BTBD7: variants seen among roughly 807,000 people sequenced by gnomAD.
BTBD7 encodes BTB domain containing 7.
A neutral mutation model predicts 99.9 loss-of-function variants in BTBD7; 38 were observed. That is an observed-to-expected ratio of 0.38 (90% CI 0.29 to 0.50). The LOEUF (loss-of-function observed/expected upper bound fraction) is 0.50, where lower values mean the gene tolerates loss of function less well. BTBD7 is among the 20% of genes least tolerant of loss of function. BTBD7 has a pLI of 0.93. For synonymous variants in BTBD7, 520 were observed against 511.4 expected, an observed-to-expected ratio of 1.02 and a Z score of -0.23; for missense variants, 1,170 against 1,394.6, an observed-to-expected ratio of 0.84 and a Z score of 2.57.
At chr14:93,289,351 A>T (rs1481447413) in intron 3 of BTBD7, among the ~76,000 whole-genome samples, 1 of 152,222 alleles carries the variant, frequency 6.6e-6, no homozygotes, top group East Asian at 1.9e-4. Context: ...CAGTATTCAG[A>T]CTTAAAATCA....
At chr14:93,257,584 C>CT (rs1199798189) in intron 5 of BTBD7, among the ~76,000 whole-genome samples, 2 of 152,190 alleles carry the variant, frequency 1.3e-5, no homozygotes, top group African/African-American at 4.8e-5. Context: ...TATCACTGCT[C>CT]TGCAATAAAG....
At position 93,243,451 on chromosome 14, in the gene BTBD7, C is replaced by G. The variant is rs570421004; in HGVS notation, c.2584-363G>C. Among the ~76,000 whole-genome samples the G allele has an allele frequency of 2.0e-5, 3 of 152,246 alleles. No individual in the cohort carries two copies. The South Asian group carries it at 6.2e-4, about 32-fold the overall frequency. On this transcript the variant is annotated intron_variant, in intron 10 of 10. Transcript: ENST00000334746. ...CTCGTGATCCGCTCACCTCGGCCTC[C>G]TAAAGTGCTGGGATTACAGGCGTGA...
chr14:93,329,845 T>G (rs932301072), intron 1 of BTBD7, among the ~76,000 whole-genome samples: 1 of 152,096 alleles, frequency 6.6e-6, no homozygotes, highest in African/African-American at 2.4e-5. Flanking sequence ...CTAAGAAAAC[T>G]CCAAATGAAA....
chr14:93,268,128 C>T (rs2139714519), intron 3 of BTBD7, among the ~76,000 whole-genome samples: 1 of 152,314 alleles, frequency 6.6e-6, no homozygotes, highest in African/African-American at 2.4e-5. Flanking sequence ...CAATCGCTTG[C>T]ACCTCCAGGC....
chr14:93,308,779 T>C (rs2139799657), intron 1 of BTBD7, among the ~76,000 whole-genome samples: 1 of 152,322 alleles, frequency 6.6e-6, no homozygotes, highest in Middle Eastern at 3.4e-3. Flanking sequence ...TCCACTTATA[T>C]GAAGTACTTA....
At chr14:93,277,681 G>T (rs1406807203) in intron 3 of BTBD7, among the ~76,000 whole-genome samples, 1 of 152,106 alleles carries the variant, frequency 6.6e-6, no homozygotes, top group Non-Finnish European at 1.5e-5. Flanking sequence ...CTTACCTTAT[G>T]GTAAATGTTA....
At position 93,296,047 on chromosome 14, in the gene BTBD7, C is replaced by A; in HGVS notation, c.5G>T (p.Gly2Val). The change falls in exon 2 of 11, where the codon GGT becomes GTT. Residue 2 changes from glycine (G) to valine (V), a missense_variant. Coordinates refer to ENST00000334746, the MANE Select transcript of BTBD7 (RefSeq NM_001002860.4). ...ATGAGGATAATTAGATGCATTAGCACCCATTTTCTTCAGTCACTCAGGCAT... is the reference window on the plus strand; with the variant it reads ...ATGAGGATAATTAGATGCATTAGCAACCATTTTCTTCAGTCACTCAGGCAT... M[G>V]ANASNYPHSC... 1 of 1,613,642 alleles carries A rather than the reference C, an allele frequency of 6.2e-7. No homozygotes were observed. The highest frequency in any genetic ancestry group is 8.5e-7 in the Non-Finnish European group (1 of 1,179,790).
chr14:93,325,750 C>A (rs1279515934), intron 1 of BTBD7, among the ~76,000 whole-genome samples: 3 of 134,506 alleles, frequency 2.2e-5, no homozygotes, highest in Non-Finnish European at 4.8e-5. Flanking sequence ...TGTTCTATCA[C>A]AACTATATCT....
At position 93,332,986 on chromosome 14, in the gene BTBD7, G is replaced by A. The variant is rs911969539; in HGVS notation, c.-273C>T. On this transcript the variant is annotated 5_prime_UTR_variant, in exon 1 of 11. Transcript: ENST00000334746. The stretch of plus-strand genomic sequence containing the variant: ...CTCTCCTGTCAGTGGCTCAGGCTCC[G>A]GGACTGCTCCAGGTTCCCCTCGCCG... 3.4e-6 allele frequency: 2 copies of A among 583,064 alleles called. No individual in the cohort carries two copies. The highest frequency in any genetic ancestry group is 5.6e-6 in the Non-Finnish European group (2 of 356,566). 36.1% of individuals were successfully genotyped at this position (583,064 alleles called of 1,614,324 possible). A position where few individuals can be genotyped will look rare whatever the true frequency, so the allele number is the denominator to read the frequency against.
Position 93,293,911 on chromosome 14 carries a change from G to A in BTBD7, c.1109C>T (p.Ala370Val), listed in dbSNP as rs1404207364. 1 of 1,613,596 alleles carries A rather than the reference G, an allele frequency of 6.2e-7. No homozygotes were observed. The highest frequency in any genetic ancestry group is 1.7e-5 in the Admixed American group (1 of 59,962). The change falls in exon 3 of 11, where the codon GCC becomes GTC. Residue 370 changes from alanine to valine, a missense_variant. Physicochemically the swap from Ala to Val is moderately conservative, Grantham distance 64. Coordinates refer to ENST00000334746, the MANE Select transcript of BTBD7 (RefSeq NM_001002860.4). ...CAGTGCTATGTGGTAAAGTTCCATG[G>A]CTTCTTCTGCCCTGGTCATGTTTGG... ...GKPNMTRAEE[A>V]MELYHIALFL...
At chr14:93,271,242 T>C (rs2052597520) in intron 3 of BTBD7, among the ~76,000 whole-genome samples, 1 of 152,210 alleles carries the variant, frequency 6.6e-6, no homozygotes, top group Non-Finnish European at 1.5e-5. Context: ...CCCTTACTTG[T>C]TATTCCTACA....
chr14:93,278,397 A>C (rs1869769576), intron 3 of BTBD7, among the ~76,000 whole-genome samples: 1 of 152,172 alleles, frequency 6.6e-6, no homozygotes, highest in African/African-American at 2.4e-5. Context: ...CTGGGCAACA[A>C]GGCTGAAACT....
At chr14:93,300,702 ATTTGTGTGTGTGTG>A (rs1354508011) in intron 1 of BTBD7, among the ~76,000 whole-genome samples, 42 of 107,556 alleles carry the variant, frequency 3.9e-4, no homozygotes, top group East Asian at 1.3e-3. Flanking sequence ...TGCCCAGCTA[ATTTGTGTGTGTGTG>A]TGTGTGTGTG....
intron 9 of BTBD7, among the ~76,000 whole-genome samples, chr14:93,246,824 G>A (rs1296322998): frequency 1.3e-5 from 2 of 152,288 alleles, no homozygotes; most frequent in South Asian, 2.1e-4. Context: ...ATTTAGAATG[G>A]CAAAGGGAAA....
chr14:93,332,672 G>A (rs2053460614), intron 1 of BTBD7, 148 bp downstream of exon 1: 2 of 1,189,014 alleles, frequency 1.7e-6, no homozygotes, highest in Non-Finnish European at 1.1e-6. Flanking sequence ...GCCCCTCCCC[G>A]CCCGGCGCCC....
chr14:93,302,569 G>C lies in BTBD7; in HGVS notation c.-106-6412C>G, dbSNP rs142773665. On this transcript the variant is annotated intron_variant, in intron 1 of 10. Transcript: ENST00000334746. ...AAAGTTTTAAAAGAAATAAAGGGCC[G>C]GGAGCGATGGCTCAAGCCTGTAATC... Among the ~76,000 whole-genome samples the C allele has an allele frequency of 3.9e-5, 6 of 152,236 alleles. No individual in the cohort carries two copies. The East Asian group carries it at 1.2e-3, about 29-fold the overall frequency.
chr14:93,306,010 A>T (rs754171592), intron 1 of BTBD7, among the ~76,000 whole-genome samples: 18 of 152,230 alleles, frequency 1.2e-4, no homozygotes, highest in South Asian at 4.1e-4. Flanking sequence ...CCCTACGTTC[A>T]ACTGACATAC....
chr14:93,285,514 T>C (rs2052767409), intron 3 of BTBD7, among the ~76,000 whole-genome samples: 2 of 152,194 alleles, frequency 1.3e-5, no homozygotes, highest in African/African-American at 4.8e-5. Context: ...ACAGTAAATA[T>C]GCATGTAGAT....
intron 1 of BTBD7, among the ~76,000 whole-genome samples, chr14:93,304,216 AT>A (rs2053042712): frequency 6.6e-6 from 1 of 152,186 alleles, no homozygotes. Flanking sequence ...GGCACACAAT[AT>A]TTTATTGAAT....
Sources: gnomAD v4.1 joint callset for allele counts (sites outside exome capture counted in the v4.1 genomes callset) on GRCh38, gnomAD v4.1.1 for gene constraint, MANE v1.5 for transcripts, NCBI Gene and HGNC (gene_info 2026-07-23, HGNC 2026-07-21) for gene names.